Variants in ACP3 observed in about 807,000 individuals in gnomAD.
ACP3 encodes the protein acid phosphatase 3, also known as prostatic acid phosphatase.
A neutral mutation model predicts 45.6 loss-of-function variants in ACP3; 38 were observed. The ratio of observed to expected loss-of-function variants is 0.83; its 90% CI spans 0.64 to 1.09. ACP3 has a LOEUF of 1.09. Ranked by LOEUF, ACP3 falls within the 50% of genes least tolerant of loss-of-function variation. The pLI is 0.00. For missense variants in ACP3, 466 were observed against 463.2 expected (o/e 1.01, Z -0.05); for synonymous variants, 162 against 164.7 (o/e 0.98, Z 0.13).
intron 8 of ACP3, 50 bp from the exon 9 acceptor site, chr3:132,352,670 T>C: frequency 7.8e-7 from 1 of 1,286,102 alleles, no homozygotes; most frequent in African/African-American, 1.5e-5. Flanking sequence ...GCTTCATACC[T>C]ATTGAATGTG....
In ACP3 at chr3:132,358,535, TTTCTAGA is replaced by T; in HGVS notation, c.*1658_*1664del. 3 of 1,177,220 alleles carry T rather than the reference TTTCTAGA, an allele frequency of 2.5e-6. No homozygotes were observed. The highest frequency in any genetic ancestry group is 3.3e-6 in the Non-Finnish European group (3 of 920,132). The allele number at this position is 1,177,220 out of a possible 1,614,324, so 72.9% of individuals were successfully genotyped here. A position where few individuals can be genotyped will look rare whatever the true frequency, so the allele number is the denominator to read the frequency against. On this transcript the variant is annotated 3_prime_UTR_variant, in exon 10 of 10. Coordinates refer to ENST00000336375, the MANE Select transcript of ACP3 (RefSeq NM_001099.5). ...ACCATTATGGATAAAGATGAGATGGTTTCTAGAGATGGTTTCTACTGGCTGCCAGAAT... is the reference window on the plus strand; with the variant it reads ...ACCATTATGGATAAAGATGAGATGGTGATGGTTTCTACTGGCTGCCAGAAT...
At chr3:132,363,711 G>A (rs1576432130), downstream of ACP3, among the ~76,000 whole-genome samples, 1 of 152,140 alleles carries the variant, frequency 6.6e-6, no homozygotes, top group Non-Finnish European at 1.5e-5. Flanking sequence ...GGCCGAGGGG[G>A]TGAATCACCT....
chr3:132,325,595 A>AACACACACACACACACACACACACACAC (rs138017217), intron 1 of ACP3, among the ~76,000 whole-genome samples: 1,789 of 143,646 alleles, frequency 0.012, 34 homozygotes, highest in South Asian at 0.032. Flanking sequence ...TCTGATACAA[A>AACACACACACACACACACACACACACAC]ACACACACAC....
chr3:132,327,412 G>T (rs567257768), intron 1 of ACP3, among the ~76,000 whole-genome samples: 5 of 151,670 alleles, frequency 3.3e-5, no homozygotes, highest in Admixed American at 3.3e-4. Flanking sequence ...TTCTCGGGAG[G>T]CTGAGGCATG....
At chr3:132,356,647 A>C in intron 9 of ACP3, 39 bp from the exon 10 acceptor site, 1 of 1,611,208 alleles carries the variant, frequency 6.2e-7, no homozygotes, top group Non-Finnish European at 8.5e-7. Flanking sequence ...TCAACAACAC[A>C]GAACTAACAG....
Position 132,345,011 on chromosome 3 carries a change from TC to T in ACP3, c.736del (p.Leu246SerfsTer26), listed in dbSNP as rs1306650684. 1 of 1,613,844 alleles carries T rather than the reference TC, an allele frequency of 6.2e-7. No homozygotes were observed. The highest frequency in any genetic ancestry group is 1.1e-5 in the South Asian group (1 of 91,080). On this transcript the variant is annotated frameshift_variant, in exon 7 of 10. Transcript: ENST00000336375. LOFTEE classifies it high-confidence loss of function. ...LRELSELSLL[S>X]LYGIHKQKEK... ...AGAATTGTCAGAATTGTCCCTCCTGTCCCTCTATGGAATTCACAAGCAGAAA... is the reference window on the plus strand; with the variant it reads ...AGAATTGTCAGAATTGTCCCTCCTGTCCTCTATGGAATTCACAAGCAGAAA...
At chr3:132,336,381 A>G (rs1458904889) in intron 4 of ACP3, among the ~76,000 whole-genome samples, 1 of 152,186 alleles carries the variant, frequency 6.6e-6, no homozygotes, top group Non-Finnish European at 1.5e-5. Flanking sequence ...TTGAAACACA[A>G]GTTATGGTGG....
intron 4 of ACP3, 197 bp downstream of exon 4, chr3:132,332,541 TG>T: frequency 1.6e-6 from 1 of 630,152 alleles, no homozygotes; most frequent in Non-Finnish European, 2.6e-6. Flanking sequence ...AATTTCTCTT[TG>T]GATCTGTATG....
rs1271025095 is a variant in ACP3 at position 132,356,857 on chromosome 3, T to C, written c.1140T>C (p.Gly380=). 1 of 1,613,918 alleles carries C rather than the reference T, an allele frequency of 6.2e-7. No individual in the cohort carries two copies. Among genetic ancestry groups the C allele is most frequent in the East Asian group, 2.2e-5 (1 of 44,878 alleles). ...GTATGACCACAAACAGCCATCAAGG[T>C]ACTGAAGACAGTACAGATTAGTGTG... The part of the protein sequence containing the change: ...TECMTTNSHQ[G]TEDSTD The change falls in exon 10 of 10, where the codon GGT becomes GGC. Residue 380 remains glycine (G), a synonymous_variant. Transcript: ENST00000336375.
At chr3:132,329,420 A>T (rs1436764413) in intron 2 of ACP3, among the ~76,000 whole-genome samples, 2 of 152,168 alleles carry the variant, frequency 1.3e-5, no homozygotes, top group Non-Finnish European at 2.9e-5. Flanking sequence ...GCCGAGGCTG[A>T]GAATTTCTGC....
intron 10 of ACP3, among the ~76,000 whole-genome samples, chr3:132,367,338 A>G (rs1413343405): frequency 1.3e-5 from 2 of 152,246 alleles, no homozygotes; most frequent in African/African-American, 2.4e-5. Context: ...TTTAGATCCA[A>G]TTGATTGCAG....
In ACP3 at chr3:132,358,790, C is replaced by G; in HGVS notation, c.*1912C>G. ...TGCTTTTATAATGAACTTAGAAAAA[C>G]GTATGTGTGTGTGTTTAATTAGAAT... On this transcript the variant is annotated 3_prime_UTR_variant, in exon 10 of 10. Transcript: ENST00000336375. The G allele has an allele frequency of 2.0e-6, 2 of 986,264 alleles. No homozygotes were observed. Among genetic ancestry groups the G allele is most frequent in the Non-Finnish European group, 2.4e-6 (2 of 830,338 alleles). The allele number at this position is 986,264 out of a possible 1,614,324, so 61.1% of individuals were successfully genotyped here.
At chr3:132,334,662 T>C (rs994822451) in intron 4 of ACP3, among the ~76,000 whole-genome samples, 17 of 151,954 alleles carry the variant, frequency 1.1e-4, no homozygotes, top group South Asian at 4.2e-4. Context: ...CGACCATGAG[T>C]GAATATGTAG....
At chr3:132,366,727 T>C (rs1938137905) in intron 10 of ACP3, among the ~76,000 whole-genome samples, 2 of 152,204 alleles carry the variant, frequency 1.3e-5, no homozygotes, top group South Asian at 4.1e-4. Flanking sequence ...AAGATAGATG[T>C]CAGAGCTGGA....
chr3:132,325,297 G>C (rs979096119), intron 1 of ACP3, among the ~76,000 whole-genome samples: 7 of 152,120 alleles, frequency 4.6e-5, no homozygotes, highest in Non-Finnish European at 8.8e-5. Context: ...CCTTCCAAAG[G>C]GTTGACAGCA....
chr3:132,339,530 TA>T (rs1937527729), intron 5 of ACP3, among the ~76,000 whole-genome samples: 1 of 151,636 alleles, frequency 6.6e-6, no homozygotes, highest in Non-Finnish European at 1.5e-5. Context: ...AGGCTGGCTT[TA>T]AGTTGGGGTT....
At chr3:132,332,071 C>A in intron 3 of ACP3, 121 bp from the exon 4 acceptor site, 1 of 1,137,378 alleles carries the variant, frequency 8.8e-7, no homozygotes, top group Non-Finnish European at 1.3e-6. Context: ...CTGATGTTAG[C>A]ACAATGTCTG....
chr3:132,327,060 C>G (rs1937309428), intron 1 of ACP3, among the ~76,000 whole-genome samples: 1 of 152,222 alleles, frequency 6.6e-6, no homozygotes, highest in Non-Finnish European at 1.5e-5. Flanking sequence ...AATAGCATGA[C>G]ATGGGTACAA....
downstream of ACP3, among the ~76,000 whole-genome samples, chr3:132,363,634 T>C (rs933977552): frequency 3.9e-5 from 6 of 152,192 alleles, no homozygotes; most frequent in Admixed American, 3.9e-4. Flanking sequence ...ACAGTTTTTG[T>C]TTTTCTTAAA....
Sources: allele counts gnomAD v4.1 joint callset (sites outside exome capture counted in the v4.1 genomes callset), GRCh38; gene constraint gnomAD v4.1.1; transcripts MANE v1.5; gene names NCBI Gene and HGNC (gene_info 2026-07-23, HGNC 2026-07-21).